The following SLC35F1 variants were observed in gnomAD, a reference collection of about 807,000 sequenced individuals.
SLC35F1 encodes the protein solute carrier family 35 member F1.
A neutral mutation model predicts 48.7 loss-of-function variants in SLC35F1; 14 were observed. The ratio of observed to expected loss-of-function variants is 0.29; its 90% CI spans 0.19 to 0.45. SLC35F1 has a LOEUF of 0.45. Among genes scored for constraint, SLC35F1 ranks in the 20% least tolerant of loss-of-function variants. The pLI, the probability that SLC35F1 is intolerant of heterozygous loss-of-function variation, is 1.00. For missense variants in SLC35F1, 404 were observed against 500.0 expected (o/e 0.81, Z 1.83); for synonymous variants, 190 against 202.2 (o/e 0.94, Z 0.51).
At position 118,073,157 on chromosome 6, in the gene SLC35F1, G is replaced by A. The variant is rs540006208; in HGVS notation, c.174-81288G>A. ...CTCTAGAAGGAGGGAGATGCAAAAC[G>A]GAAGCCAGCTTCTACTGTGAAAGAG... On this transcript the variant is annotated intron_variant, in intron 1 of 7. Coordinates refer to ENST00000360388, the MANE Select transcript of SLC35F1 (RefSeq NM_001029858.4). 4.6e-5 allele frequency among the ~76,000 whole-genome samples: 7 copies of A among 152,250 alleles called. No homozygotes were observed. The East Asian group carries it at 1.2e-3, about 25-fold the overall frequency.
chr6:117,997,325 A>G (rs1777009536), intron 1 of SLC35F1, among the ~76,000 whole-genome samples: 1 of 152,238 alleles, frequency 6.6e-6, no homozygotes, highest in Non-Finnish European at 1.5e-5. Context: ...GACTGGGAGA[A>G]TGGAACCAAG....
At chr6:117,917,524 C>G (rs1328148276) in intron 1 of SLC35F1, among the ~76,000 whole-genome samples, 1 of 151,556 alleles carries the variant, frequency 6.6e-6, no homozygotes, top group African/African-American at 2.4e-5. Context: ...GTACACAGGA[C>G]TGGTTGAGTG....
intron 6 of SLC35F1, among the ~76,000 whole-genome samples, chr6:118,282,382 G>A (rs4374854): frequency 0.044 from 6,748 of 152,152 alleles, 395 homozygotes; most frequent in African/African-American, 0.14. Flanking sequence ...TTGTGATAGT[G>A]TATATATTCC....
intron 1 of SLC35F1, among the ~76,000 whole-genome samples, chr6:117,940,667 G>A (rs183172539): frequency 6.6e-6 from 1 of 151,682 alleles, no homozygotes; most frequent in African/African-American, 2.4e-5. Context: ...GTGTGTGTGT[G>A]TGACAGGGTC....
At chr6:118,166,634 T>C (rs1393423591) in intron 2 of SLC35F1, among the ~76,000 whole-genome samples, 2 of 152,188 alleles carry the variant, frequency 1.3e-5, no homozygotes, top group Non-Finnish European at 2.9e-5. Context: ...AACAGAGAAA[T>C]GTGTGGGCAT....
intron 1 of SLC35F1, among the ~76,000 whole-genome samples, chr6:118,033,253 A>G (rs996438189): frequency 3.3e-5 from 5 of 152,130 alleles, no homozygotes; most frequent in Non-Finnish European, 7.4e-5. Flanking sequence ...TTCTTCCAAT[A>G]TTAATACTGC....
chr6:118,132,343 T>C (rs540572150), intron 1 of SLC35F1, among the ~76,000 whole-genome samples: 23 of 152,280 alleles, frequency 1.5e-4, no homozygotes, highest in Non-Finnish European at 2.8e-4. Context: ...TTAGGTGGTA[T>C]GTGTATTTGT....
intron 1 of SLC35F1, among the ~76,000 whole-genome samples, chr6:118,032,544 C>T (rs1772069407): frequency 6.6e-6 from 1 of 152,134 alleles, no homozygotes; most frequent in African/African-American, 2.4e-5. Flanking sequence ...TTGTCTCCTC[C>T]TCTTTGGAGT....
intron 1 of SLC35F1, among the ~76,000 whole-genome samples, chr6:118,154,097 GA>G (rs772789705): frequency 2.2e-4 from 33 of 152,132 alleles, no homozygotes; most frequent in Non-Finnish European, 3.7e-4. Flanking sequence ...TGAGCATGAA[GA>G]TGATGTTCTT....
chr6:118,117,683 G>T (rs1021066725), intron 1 of SLC35F1, among the ~76,000 whole-genome samples: 10 of 152,080 alleles, frequency 6.6e-5, no homozygotes, highest in Non-Finnish European at 1.3e-4. Context: ...CCAAAACCCA[G>T]ATATGGAATA....
intron 6 of SLC35F1, among the ~76,000 whole-genome samples, chr6:118,281,283 C>T (rs1775981905): frequency 6.6e-6 from 1 of 150,972 alleles, no homozygotes; most frequent in South Asian, 2.1e-4. Flanking sequence ...CCTTATTTCT[C>T]TTTATAATAA....
chr6:118,213,184 A>T (rs547309384), intron 2 of SLC35F1, among the ~76,000 whole-genome samples: 1 of 152,196 alleles, frequency 6.6e-6, no homozygotes, highest in Non-Finnish European at 1.5e-5. Context: ...ATTATAACCC[A>T]CTATATTAAT....
chr6:118,019,191 A>G (rs114366633), intron 1 of SLC35F1, among the ~76,000 whole-genome samples: 2,404 of 151,594 alleles, frequency 0.016, 70 homozygotes, highest in African/African-American at 0.055. Flanking sequence ...GAATAAATAT[A>G]TTAAAATATA....
intron 1 of SLC35F1, among the ~76,000 whole-genome samples, chr6:117,913,339 T>C (rs1409086158): frequency 6.6e-6 from 1 of 152,264 alleles, no homozygotes; most frequent in Non-Finnish European, 1.5e-5. Context: ...AACTGTATGC[T>C]GAGCCTTCTT....
intron 7 of SLC35F1, among the ~76,000 whole-genome samples, chr6:118,307,312 ACT>A (rs1262501564): frequency 6.6e-6 from 1 of 152,128 alleles, no homozygotes; most frequent in East Asian, 1.9e-4. Flanking sequence ...CATTATTCTT[ACT>A]CTCTAAAGAC....
chr6:118,129,263 A>C (rs1486522353), intron 1 of SLC35F1, among the ~76,000 whole-genome samples: 1 of 152,176 alleles, frequency 6.6e-6, no homozygotes, highest in Non-Finnish European at 1.5e-5. Flanking sequence ...TTAGGTGGGG[A>C]GATGAGAAGT....
chr6:118,235,020 C>T (rs1370553483), intron 2 of SLC35F1, among the ~76,000 whole-genome samples: 2 of 152,148 alleles, frequency 1.3e-5, no homozygotes, highest in Non-Finnish European at 1.5e-5. Flanking sequence ...AGAGTGCATG[C>T]AACATTCAAA....
intron 1 of SLC35F1, among the ~76,000 whole-genome samples, chr6:118,152,466 A>G (rs1468079958): frequency 6.6e-6 from 1 of 152,130 alleles, no homozygotes; most frequent in African/African-American, 2.4e-5. Context: ...TTAGGCAGCA[A>G]TCTTTCGGGG....
intron 3 of SLC35F1, among the ~76,000 whole-genome samples, chr6:118,261,437 A>G (rs1775710864): frequency 1.3e-5 from 2 of 152,200 alleles, no homozygotes; most frequent in South Asian, 4.1e-4. Context: ...ATATATACAT[A>G]TGCATACACA....
Sources: gnomAD v4.1 joint callset for allele counts (sites outside exome capture counted in the v4.1 genomes callset) on GRCh38, gnomAD v4.1.1 for gene constraint, MANE v1.5 for transcripts, NCBI Gene and HGNC (gene_info 2026-07-23, HGNC 2026-07-21) for gene names.